SV2C: variants seen among roughly 807,000 people sequenced by gnomAD.
SV2C encodes synaptic vesicle glycoprotein 2C.
In SV2C, 49 loss-of-function variants were observed where a neutral mutation model predicts 79.7. The observed-to-expected ratio is 0.61, with a 90% confidence interval of 0.49 to 0.78. The LOEUF (loss-of-function observed/expected upper bound fraction) is 0.78. SV2C is among the 30% of genes least tolerant of loss of function. SV2C has a pLI of 0.00. For missense variants in SV2C, 833 were observed against 912.9 expected, an observed-to-expected ratio of 0.91 and a Z score of 1.13; for synonymous variants, 334 against 333.2, an observed-to-expected ratio of 1.00 and a Z score of -0.03.
chr5:75,976,293 TTC>T, the SV2C span, among the ~76,000 whole-genome samples: 6 of 151,330 alleles, frequency 4.0e-5, no homozygotes, highest in Admixed American at 1.3e-4. Context: ...CTCTCTCTCT[TTC>T]TCTCTCTCTC....
the SV2C span, among the ~76,000 whole-genome samples, chr5:75,867,988 A>T: frequency 6.6e-6 from 1 of 152,192 alleles, no homozygotes. Flanking sequence ...AAAGATGAGG[A>T]AACAGATAGG....
At chr5:76,074,404 A>G in the SV2C span, among the ~76,000 whole-genome samples, 61 of 152,116 alleles carry the variant, frequency 4.0e-4, no homozygotes, top group East Asian at 8.3e-3. Flanking sequence ...GAGGCGAGAC[A>G]TTTTCTGAGT....
intron 4 of SV2C, among the ~76,000 whole-genome samples, chr5:76,234,791 T>C (rs1302594739): frequency 1.3e-5 from 2 of 152,206 alleles, no homozygotes; most frequent in Non-Finnish European, 2.9e-5. Context: ...AAGTATATCA[T>C]AGCCAATCAA....
intron 4 of SV2C, chr5:76,280,973 G>A (rs1213488320): frequency 1.1e-5 from 6 of 537,446 alleles, no homozygotes; most frequent in Admixed American, 1.9e-5. Flanking sequence ...CTGGTGATGC[G>A]GCCCAACAGG....
chr5:76,094,865 T>C (rs1340743857), intron 1 of SV2C, among the ~76,000 whole-genome samples: 1 of 152,156 alleles, frequency 6.6e-6, no homozygotes, highest in African/African-American at 2.4e-5. Flanking sequence ...CAGATATGTG[T>C]TTGCAAATAT....
chr5:76,019,394 C>G, the SV2C span, among the ~76,000 whole-genome samples: 1 of 152,128 alleles, frequency 6.6e-6, no homozygotes, highest in Admixed American at 6.6e-5. Flanking sequence ...TGTGCTCACC[C>G]TCCTTTTGAG....
At chr5:75,885,379 A>G in the SV2C span, among the ~76,000 whole-genome samples, 1 of 152,162 alleles carries the variant, frequency 6.6e-6, no homozygotes, top group Non-Finnish European at 1.5e-5. Context: ...CCTGACCAGT[A>G]TAATAAATGT....
chr5:75,879,749 C>T, the SV2C span, among the ~76,000 whole-genome samples: 1 of 152,224 alleles, frequency 6.6e-6, no homozygotes, highest in African/African-American at 2.4e-5. Flanking sequence ...CTCCACTAGG[C>T]AATGCCCCAG....
chr5:75,914,549 A>C, the SV2C span, among the ~76,000 whole-genome samples: 5 of 152,160 alleles, frequency 3.3e-5, no homozygotes, highest in Non-Finnish European at 7.4e-5. Flanking sequence ...TTTGTTACAG[A>C]GGGAATGGAG....
At position 76,302,630 on chromosome 5, in the gene SV2C, C is replaced by CAA. The variant is rs60732488; in HGVS notation, c.2000+1108_2000+1109dup. ...GGACAACAAGAGTGAGACTCCATCTCAAAAAAAAAAAAAAAAAAAAAAAAT... is the reference window on the plus strand; with the variant it reads ...GGACAACAAGAGTGAGACTCCATCTCAAAAAAAAAAAAAAAAAAAAAAAAAAT... On this transcript the variant is annotated intron_variant, in intron 12 of 12. Transcript: ENST00000502798. Among the ~76,000 whole-genome samples, 421 of 68,382 alleles carry CAA rather than the reference C, an allele frequency of 6.2e-3. 2 individuals carry two copies. The highest frequency in any genetic ancestry group is 0.011 in the African/African-American group (179 of 16,734). The allele number at this position is 68,382 out of a possible 152,430, so 44.9% of individuals were successfully genotyped here.
intron 4 of SV2C, among the ~76,000 whole-genome samples, chr5:76,281,904 T>C (rs189348319): frequency 6.6e-6 from 1 of 152,344 alleles, no homozygotes; most frequent in African/African-American, 2.4e-5. Context: ...ATCCTTAACT[T>C]AATAACACTT....
chr5:76,276,626 C>A (rs1747029989), intron 4 of SV2C, among the ~76,000 whole-genome samples: 1 of 150,912 alleles, frequency 6.6e-6, no homozygotes, highest in African/African-American at 2.4e-5. Context: ...CAGTACCTGG[C>A]CTTTTCTTTT....
At chr5:75,905,543 T>G in the SV2C span, among the ~76,000 whole-genome samples, 2,514 of 152,252 alleles carry the variant, frequency 0.017, 36 homozygotes, top group African/African-American at 0.043. Context: ...GGTAGTAAGC[T>G]TTTAGATCCC....
At chr5:76,237,847 T>C (rs1745656651) in intron 4 of SV2C, among the ~76,000 whole-genome samples, 1 of 152,142 alleles carries the variant, frequency 6.6e-6, no homozygotes. Flanking sequence ...TGAGTTCTTA[T>C]CTACTCTTTA....
chr5:75,951,270 A>T, the SV2C span, among the ~76,000 whole-genome samples: 2 of 152,018 alleles, frequency 1.3e-5, no homozygotes, highest in African/African-American at 4.8e-5. Flanking sequence ...CCTGATGTTT[A>T]CTGTTTTCCA....
chr5:75,968,952 G>A, the SV2C span, among the ~76,000 whole-genome samples: 4 of 152,150 alleles, frequency 2.6e-5, no homozygotes, highest in Admixed American at 6.5e-5. Flanking sequence ...ACAAAGGGAG[G>A]CCCATCAGAC....
the SV2C span, among the ~76,000 whole-genome samples, chr5:76,056,624 C>CTT: frequency 0.013 from 829 of 65,656 alleles, 10 homozygotes; most frequent in African/African-American, 0.019. Flanking sequence ...CCTGGGCTTT[C>CTT]TTTTTTTTTT....
chr5:75,908,074 C>G, the SV2C span, among the ~76,000 whole-genome samples: 1 of 152,304 alleles, frequency 6.6e-6, no homozygotes, highest in South Asian at 2.1e-4. Flanking sequence ...TGCAAGTTTC[C>G]CATTTAAAGT....
At chr5:76,006,696 C>T in the SV2C span, among the ~76,000 whole-genome samples, 4 of 152,230 alleles carry the variant, frequency 2.6e-5, no homozygotes, top group African/African-American at 7.2e-5. Flanking sequence ...AGCATTTGGT[C>T]CTGGGGCTGT....
Sources: gnomAD v4.1 joint callset for allele counts (sites outside exome capture counted in the v4.1 genomes callset) on GRCh38, gnomAD v4.1.1 for gene constraint, MANE v1.5 for transcripts, NCBI Gene and HGNC (gene_info 2026-07-23, HGNC 2026-07-21) for gene names.